The following RBM28 variants were observed in gnomAD, a reference collection of about 807,000 sequenced individuals.
RBM28 encodes the protein RNA binding motif protein 28.
In RBM28, 78 loss-of-function variants were observed where a neutral mutation model predicts 98.3. The ratio of observed to expected loss-of-function variants is 0.79; its 90% CI spans 0.66 to 0.96. The LOEUF (loss-of-function observed/expected upper bound fraction) is 0.96, where lower values mean the gene tolerates loss of function less well. Ranked by LOEUF, RBM28 falls within the 40% of genes least tolerant of loss-of-function variation. The pLI, the probability that RBM28 is intolerant of heterozygous loss-of-function variation, is 0.00. For missense variants in RBM28, 838 were observed against 913.0 expected, an observed-to-expected ratio of 0.92 and a Z score of 1.06; for synonymous variants, 306 against 330.9, an observed-to-expected ratio of 0.92 and a Z score of 0.82.
chr7:128,343,317 T>A (rs1796768771), intron 1 of RBM28, among the ~76,000 whole-genome samples: 1 of 152,144 alleles, frequency 6.6e-6, no homozygotes, highest in South Asian at 2.1e-4. Flanking sequence ...AAAATGACAT[T>A]AAGACTCTCC....
chr7:128,329,188 C>G (rs917445075), intron 10 of RBM28, among the ~76,000 whole-genome samples: 11 of 152,170 alleles, frequency 7.2e-5, no homozygotes, highest in African/African-American at 2.7e-4. Flanking sequence ...CAACCTCCCC[C>G]TCCCAGGTTC....
rs1795895802 is a variant in RBM28 at position 128,307,834 on chromosome 7, T to C, written c.*2963A>G. The C allele has an allele frequency of 6.6e-6, 1 of 152,166 alleles. No individual in the cohort carries two copies. The highest frequency in any genetic ancestry group is 2.4e-5 in the African/African-American group (1 of 41,436). 9.4% of individuals were successfully genotyped at this position (152,166 alleles called of 1,614,324 possible). A position where few individuals can be genotyped will look rare whatever the true frequency, so the allele number is the denominator to read the frequency against. On this transcript the variant is annotated 3_prime_UTR_variant, in exon 19 of 19. Transcript: ENST00000223073. ...AATTTGCTGTTGTTTTTCAAAATAA[T>C]AGAGATGGGGGTCTCACTATGTTGG...
Sources: gnomAD v4.1 joint callset for allele counts (sites outside exome capture counted in the v4.1 genomes callset) on GRCh38, gnomAD v4.1.1 for gene constraint, MANE v1.5 for transcripts, NCBI Gene and HGNC (gene_info 2026-07-23, HGNC 2026-07-21) for gene names.